The following EYA1 variants were observed in gnomAD, a reference collection of about 807,000 sequenced individuals.
EYA1 encodes protein phosphatase EYA1.
EYA1 carries 16 observed loss-of-function variants against 82.0 expected under a neutral mutation model. The observed-to-expected ratio is 0.20, with a 90% CI of 0.13 to 0.30. The LOEUF (loss-of-function observed/expected upper bound fraction) is 0.30. EYA1 is among the 10% of genes least tolerant of loss of function. EYA1 has a pLI of 1.00. For synonymous variants in EYA1, 261 were observed against 264.4 expected, an observed-to-expected ratio of 0.99 and a Z score of 0.12; for missense variants, 633 against 730.7, an observed-to-expected ratio of 0.87 and a Z score of 1.54.
chr8:71,487,860 C>T (rs1810689341), intron 2 of EYA1, among the ~76,000 whole-genome samples: 1 of 152,202 alleles, frequency 6.6e-6, no homozygotes. Context: ...AAAGCTCAGA[C>T]ATTACTAGTG....
chr8:71,215,000 A>G (rs1809001774), intron 16 of EYA1, among the ~76,000 whole-genome samples: 1 of 152,242 alleles, frequency 6.6e-6, no homozygotes, highest in African/African-American at 2.4e-5. Flanking sequence ...ATTTCTAGTA[A>G]TAAATCTGTT....
intron 2 of EYA1, among the ~76,000 whole-genome samples, chr8:71,460,788 T>G (rs1374055955): frequency 2.0e-5 from 3 of 152,168 alleles, no homozygotes; most frequent in Admixed American, 6.5e-5. Flanking sequence ...TCTGTAGATA[T>G]GGGAGAGACT....
At chr8:71,338,099 G>GATATATA (rs1402239825) in intron 3 of EYA1, among the ~76,000 whole-genome samples, 2,586 of 152,264 alleles carry the variant, frequency 0.017, 70 homozygotes, top group African/African-American at 0.06. Flanking sequence ...ATAGATAACT[G>GATATATA]GGTCCAAATG....
chr8:71,343,001 G>C (rs1333240087), intron 3 of EYA1, among the ~76,000 whole-genome samples: 1 of 152,142 alleles, frequency 6.6e-6, no homozygotes, highest in Non-Finnish European at 1.5e-5. Flanking sequence ...AGAGCAGGAT[G>C]GTCTTCAGTA....
At chr8:71,374,255 C>T (rs1030460899) in intron 2 of EYA1, among the ~76,000 whole-genome samples, 69 of 152,050 alleles carry the variant, frequency 4.5e-4, no homozygotes, top group African/African-American at 1.6e-3. Flanking sequence ...GGTTAATATC[C>T]AAAATATAAG....
At chr8:71,353,742 T>C (rs1026387823) in intron 3 of EYA1, among the ~76,000 whole-genome samples, 4 of 152,110 alleles carry the variant, frequency 2.6e-5, no homozygotes, top group African/African-American at 7.2e-5. Flanking sequence ...TTACAGCATT[T>C]AGCTTTGTTT....
At chr8:71,199,517 A>G (rs537228694) in intron 17 of EYA1, 97 bp from the exon 18 acceptor site, 1 of 762,924 alleles carries the variant, frequency 1.3e-6, no homozygotes, top group African/African-American at 1.7e-5. Flanking sequence ...CCCCATTTTC[A>G]GTATCATTGA....
intron 2 of EYA1, among the ~76,000 whole-genome samples, chr8:71,535,194 G>C (rs995284802): frequency 6.6e-6 from 1 of 152,078 alleles, no homozygotes; most frequent in Non-Finnish European, 1.5e-5. Flanking sequence ...CTTTCTTCCT[G>C]ATACAAACCT....
chr8:71,282,104 C>T (rs1372402325), intron 9 of EYA1, among the ~76,000 whole-genome samples: 1 of 152,150 alleles, frequency 6.6e-6, no homozygotes, highest in African/African-American at 2.4e-5. Flanking sequence ...CCAGGCTCTC[C>T]CCACCCGTAA....
intron 2 of EYA1, among the ~76,000 whole-genome samples, chr8:71,395,849 C>G (rs899267212): frequency 1.3e-5 from 2 of 152,010 alleles, no homozygotes; most frequent in Non-Finnish European, 2.9e-5. Flanking sequence ...TTGATTGGAA[C>G]AGTTTCAGAA....
rs751860428 is a variant in EYA1 at position 71,317,593 on chromosome 8, G to A, written c.515C>T (p.Thr172Ile). 2 of 1,614,072 alleles carry A rather than the reference G, an allele frequency of 1.2e-6. No homozygotes were observed. Among genetic ancestry groups the A allele is most frequent in the Non-Finnish European group, 1.7e-6 (2 of 1,179,956 alleles). ...GFLSYGTSFS[T>I]PQPGQAPYSY... ...GTATGGTGCCTGTCCAGGTTGAGGG[G>A]TACTGAAGCTTGTGCCATAGCTGAG... The change falls in exon 7 of 18, where the codon ACC becomes ATC. Residue 172 changes from threonine (T) to isoleucine (I), a missense_variant. Thr to Ile is a moderately conservative substitution (Grantham distance 89). Transcript: ENST00000340726.
chr8:71,391,189 G>A (rs1044541234), intron 2 of EYA1, among the ~76,000 whole-genome samples: 1 of 151,788 alleles, frequency 6.6e-6, no homozygotes, highest in African/African-American at 2.4e-5. Flanking sequence ...TGCCATGTTG[G>A]CCAGGCTGGT....
At chr8:71,317,525 G>A (rs1822054055) in intron 7 of EYA1, 27 bp downstream of exon 7, 2 of 1,613,066 alleles carry the variant, frequency 1.2e-6, no homozygotes, top group Non-Finnish European at 1.7e-6. Flanking sequence ...ACAGGGTTAA[G>A]GAAAATAGCA....
chr8:71,296,671 C>T (rs944585768), intron 9 of EYA1, among the ~76,000 whole-genome samples: 9 of 150,968 alleles, frequency 6.0e-5, no homozygotes, highest in Admixed American at 5.9e-4. Flanking sequence ...CAAAAAGAGA[C>T]ATTCATTATT....
At chr8:71,207,639 G>C (rs1337451839) in intron 17 of EYA1, among the ~76,000 whole-genome samples, 1 of 151,812 alleles carries the variant, frequency 6.6e-6, no homozygotes, top group Non-Finnish European at 1.5e-5. Flanking sequence ...TTTCTTTTTT[G>C]TGTGTGCCCT....
At chr8:71,422,504 G>A (rs569951410) in intron 2 of EYA1, among the ~76,000 whole-genome samples, 3 of 152,224 alleles carry the variant, frequency 2.0e-5, no homozygotes, top group Admixed American at 6.5e-5. Flanking sequence ...TCTGTCTGTG[G>A]TCTGTATATT....
At chr8:71,520,220 C>A (rs185731771) in intron 2 of EYA1, among the ~76,000 whole-genome samples, 11 of 151,654 alleles carry the variant, frequency 7.3e-5, no homozygotes, top group South Asian at 2.1e-4. Context: ...TTGGCCCCCC[C>A]CTCCACTGAG....
intron 2 of EYA1, among the ~76,000 whole-genome samples, chr8:71,467,653 T>C (rs1808878971): frequency 6.6e-6 from 1 of 152,112 alleles, no homozygotes. Flanking sequence ...CCCATTAGAG[T>C]CATTGACTGG....
At chr8:71,497,498 A>T (rs1173331626) in intron 2 of EYA1, among the ~76,000 whole-genome samples, 1 of 152,220 alleles carries the variant, frequency 6.6e-6, no homozygotes, top group Non-Finnish European at 1.5e-5. Flanking sequence ...CATCAGGGAA[A>T]TGCAAATTAA....
Sources: allele counts gnomAD v4.1 joint callset (sites outside exome capture counted in the v4.1 genomes callset), GRCh38; gene constraint gnomAD v4.1.1; transcripts MANE v1.5; gene names NCBI Gene and HGNC (gene_info 2026-07-23, HGNC 2026-07-21).